The following COPS3 variants were observed in gnomAD, a reference collection of about 807,000 sequenced individuals.
COPS3 encodes the protein COP9 signalosome complex subunit 3.
COPS3 carries 10 observed loss-of-function variants against 58.2 expected under a neutral mutation model. The observed-to-expected ratio is 0.17, with a 90% CI of 0.11 to 0.29. The LOEUF (loss-of-function observed/expected upper bound fraction) is 0.29, where lower values mean the gene tolerates loss of function less well. COPS3 is among the 10% of genes least tolerant of loss of function. The probability of loss-of-function intolerance (pLI) is 1.00; values close to 1 mark genes in which losing one functional copy is unlikely to be tolerated. For synonymous variants in COPS3, 187 were observed against 181.7 expected (o/e 1.03, Z -0.24); for missense variants, 333 against 510.1 (o/e 0.65, Z 3.34).
chr17:17,254,993 G>T, intron 8 of COPS3, 48 bp from the exon 9 acceptor site: 2 of 1,354,522 alleles, frequency 1.5e-6, no homozygotes, highest in Non-Finnish European at 2.1e-6. Flanking sequence ...AACGAAGGAA[G>T]GACATTTTAT....
intron 9 of COPS3, among the ~76,000 whole-genome samples, chr17:17,250,017 G>A (rs1036006923): frequency 6.6e-5 from 10 of 152,042 alleles, no homozygotes; most frequent in African/African-American, 1.9e-4. Flanking sequence ...GAGCATTTTC[G>A]TCACCCCAGA....
chr17:17,274,864 T>C (rs2048428136), intron 2 of COPS3, among the ~76,000 whole-genome samples: 1 of 152,020 alleles, frequency 6.6e-6, no homozygotes, highest in Non-Finnish European at 1.5e-5. Context: ...CCTTGGAGTG[T>C]TTCTCATGGC....
chr17:17,281,202 G>A lies in COPS3; in HGVS notation c.-16C>T, dbSNP rs1004419044. 1.2e-6 allele frequency: 2 copies of A among 1,607,100 alleles called. No individual in the cohort carries two copies. The highest frequency in any genetic ancestry group is 1.7e-5 in the Admixed American group (1 of 59,120). ...CAGACGCCATGTTTTCCCCCGGGCG[G>A]CCCGAGCGGCGAAGGCAGCACGCGC... On this transcript the variant is annotated 5_prime_UTR_variant, in exon 1 of 12. Coordinates refer to ENST00000268717, the MANE Select transcript of COPS3 (RefSeq NM_003653.4).
intron 8 of COPS3, among the ~76,000 whole-genome samples, chr17:17,258,873 T>A (rs1597671953): frequency 6.6e-6 from 1 of 152,278 alleles, no homozygotes; most frequent in Non-Finnish European, 1.5e-5. Flanking sequence ...TTTTACAAAT[T>A]CACTACTGAT....
intron 9 of COPS3, among the ~76,000 whole-genome samples, chr17:17,251,358 G>C (rs529391032): frequency 6.6e-5 from 10 of 151,756 alleles, no homozygotes; most frequent in Admixed American, 2.6e-4. Context: ...GCAATGGTGT[G>C]ATCTCCAGTC....
chr17:17,270,806 A>C lies in COPS3; in HGVS notation c.300T>G (p.Phe100Leu). Reference sequence around the variant, plus strand: ...TTGTTAGCTGATGGCAAAGCCCAGCAACTAGATACAATAACAAAATATTCA... The same window carrying C: ...TTGTTAGCTGATGGCAAAGCCCAGCCACTAGATACAATAACAAAATATTCA... Reference protein sequence around the residue: ...GEHIRYATDTFAGLCHQLTNA... With the variant: ...GEHIRYATDTLAGLCHQLTNA... Residue 100 changes from phenylalanine to leucine, a missense_variant and splice_region_variant, in exon 4 of 12, where the codon TTT becomes TTG. Coordinates refer to ENST00000268717, the MANE Select transcript of COPS3 (RefSeq NM_003653.4). 6.2e-7 allele frequency: 1 copy of C among 1,600,230 alleles called. No homozygotes were observed. The highest frequency in any genetic ancestry group is 8.5e-7 in the Non-Finnish European group (1 of 1,172,182).
intron 1 of COPS3, among the ~76,000 whole-genome samples, chr17:17,277,351 C>T (rs747325532): frequency 6.6e-5 from 10 of 152,208 alleles, no homozygotes; most frequent in Non-Finnish European, 1.3e-4. Flanking sequence ...AGCAGTTCAT[C>T]AAGCAGCTAC....
intron 1 of COPS3, among the ~76,000 whole-genome samples, chr17:17,276,686 A>G (rs1343050017): frequency 6.6e-6 from 1 of 151,798 alleles, no homozygotes; most frequent in South Asian, 2.1e-4. Flanking sequence ...CTCCTGCCTC[A>G]GCCTCCCAAA....
At chr17:17,258,362 A>G (rs1313969006) in intron 8 of COPS3, among the ~76,000 whole-genome samples, 1 of 152,138 alleles carries the variant, frequency 6.6e-6, no homozygotes, top group Non-Finnish European at 1.5e-5. Flanking sequence ...GCAGTGGTGC[A>G]ATCTCGGCTC....
At chr17:17,259,869 G>C (rs1034826743) in intron 8 of COPS3, among the ~76,000 whole-genome samples, 1 of 150,946 alleles carries the variant, frequency 6.6e-6, no homozygotes, top group African/African-American at 2.4e-5. Context: ...ACACCAGCCT[G>C]GGCAACAGAG....
At chr17:17,275,929 G>A (rs531234171) in intron 2 of COPS3, 106 bp downstream of exon 2, 37 of 1,138,768 alleles carry the variant, frequency 3.2e-5, no homozygotes, top group Middle Eastern at 3.3e-4. Flanking sequence ...GTGACAGAGC[G>A]AAACTCCATC....
Position 17,267,255 on chromosome 17 carries a change from G to A in COPS3, c.441+630C>T, listed in dbSNP as rs1488645617. On this transcript the variant is annotated intron_variant, in intron 5 of 11. Transcript: ENST00000268717. ...CGGGAGGCTGAGGCGGGAGAATGGC[G>A]TGAACCCGGGAGGCGGAGCTTGCAG... is the stretch of plus-strand genomic sequence containing the variant. Among the ~76,000 whole-genome samples, 3 of 149,954 alleles carry A rather than the reference G, an allele frequency of 2.0e-5. No homozygotes were observed. The East Asian group carries it at 6.0e-4, about 30-fold the overall frequency.
At chr17:17,258,043 C>G (rs983382729) in intron 8 of COPS3, among the ~76,000 whole-genome samples, 1 of 152,130 alleles carries the variant, frequency 6.6e-6, no homozygotes, top group Non-Finnish European at 1.5e-5. Flanking sequence ...ACTGGGACAT[C>G]ATGCCAAAAA....
At chr17:17,247,316 A>G (rs1388125140) in intron 11 of COPS3, among the ~76,000 whole-genome samples, 164 bp downstream of exon 11, 1 of 152,266 alleles carries the variant, frequency 6.6e-6, no homozygotes, top group Admixed American at 6.5e-5. Flanking sequence ...GTGTACTTCC[A>G]GGCCATCATT....
intron 8 of COPS3, among the ~76,000 whole-genome samples, chr17:17,256,981 A>C (rs573740425): frequency 6.6e-6 from 1 of 152,326 alleles, no homozygotes; most frequent in African/African-American, 2.4e-5. Flanking sequence ...TGCTAACTTT[A>C]AGAAGTACAC....
intron 1 of COPS3, chr17:17,280,666 G>A (rs1447541474): frequency 1.5e-6 from 2 of 1,305,404 alleles, no homozygotes; most frequent in East Asian, 5.5e-5. Context: ...TGGCAGAGGC[G>A]AGCCATAGAG....
intron 2 of COPS3, among the ~76,000 whole-genome samples, chr17:17,271,366 C>T (rs2048336371): frequency 6.6e-6 from 1 of 151,902 alleles, no homozygotes; most frequent in Non-Finnish European, 1.5e-5. Flanking sequence ...AAGGTTGAGG[C>T]TGCAGTGAGC....
At chr17:17,247,756 C>T (rs1235047286) in intron 10 of COPS3, 196 bp from the exon 11 acceptor site, 6 of 502,016 alleles carry the variant, frequency 1.2e-5, no homozygotes, top group Non-Finnish European at 2.1e-5. Context: ...CCAAATATCC[C>T]ACCCAGCAGG....
chr17:17,249,158 A>G (rs2145183129), intron 9 of COPS3, 119 bp from the exon 10 acceptor site: 1 of 602,390 alleles, frequency 1.7e-6, no homozygotes, highest in Non-Finnish European at 2.9e-6. Flanking sequence ...ATAAACTTGT[A>G]TATTTTTAAG....
Sources: allele counts gnomAD v4.1 joint callset (sites outside exome capture counted in the v4.1 genomes callset), GRCh38; gene constraint gnomAD v4.1.1; transcripts MANE v1.5; gene names NCBI Gene and HGNC (gene_info 2026-07-23, HGNC 2026-07-21).